The following EPS15L1 variants were observed in gnomAD, a reference collection of about 807,000 sequenced individuals.
EPS15L1 encodes epidermal growth factor receptor substrate 15-like 1.
EPS15L1 carries 43 observed loss-of-function variants against 117.1 expected under a neutral mutation model. The ratio of observed to expected loss-of-function variants is 0.37; its 90% CI spans 0.29 to 0.47. The LOEUF is 0.47. Among genes scored for constraint, EPS15L1 ranks in the 20% least tolerant of loss-of-function variants. The pLI, the probability that EPS15L1 is intolerant of heterozygous loss-of-function variation, is 0.99. For missense variants in EPS15L1, 981 were observed against 1,164.0 expected, an observed-to-expected ratio of 0.84 and a Z score of 2.29; for synonymous variants, 459 against 470.5, an observed-to-expected ratio of 0.98 and a Z score of 0.32.
intron 12 of EPS15L1, among the ~76,000 whole-genome samples, chr19:16,416,905 A>G (rs2092763548): frequency 6.6e-6 from 1 of 152,218 alleles, no homozygotes; most frequent in Non-Finnish European, 1.5e-5. Context: ...CAGACAGCCC[A>G]TCCAAAGCCC....
At chr19:16,377,313 G>A in intron 21 of EPS15L1, 59 bp from the exon 22 acceptor site, 1 of 1,597,224 alleles carries the variant, frequency 6.3e-7, no homozygotes. Context: ...GGTGACGGAT[G>A]TCCACTGAAC....
rs1454123987 is a variant in EPS15L1, at chr19:16,403,828, CCTG to C, written c.1528_1530del (p.Gln510del). 6.2e-7 allele frequency: 1 copy of C among 1,614,160 alleles called. No homozygotes were observed. The highest frequency in any genetic ancestry group is 1.7e-5 in the Admixed American group (1 of 60,028). ...ATGCTCTGCTCCAGCTGGGTTTCCT[CCTG>C]CTGCAATCGGTTCAGCTCCGACTTG... On this transcript the variant is annotated inframe_deletion, in exon 15 of 24. Transcript: ENST00000455140.
In EPS15L1 at chr19:16,355,688, C is replaced by A; in HGVS notation, c.*17G>T. The A allele has an allele frequency of 6.5e-7, 1 of 1,533,828 alleles. No homozygotes were observed. The highest frequency in any genetic ancestry group is 1.2e-5 in the South Asian group (1 of 83,918). On this transcript the variant is annotated 3_prime_UTR_variant, in exon 24 of 24. Coordinates refer to ENST00000455140, the MANE Select transcript of EPS15L1 (RefSeq NM_001258374.3). ...GGAACCCGCCCGTGCCCTGTCCCGC[C>A]TACACACGGCCCTCGCCTAGGCGGC...
rs150395990 is a variant in EPS15L1, at chr19:16,444,032, C to T, written c.34-1813G>A. On this transcript the variant is annotated intron_variant, in intron 1 of 23. Coordinates refer to ENST00000455140, the MANE Select transcript of EPS15L1 (RefSeq NM_001258374.3). ...TGAGCCGAGATCGCGCCACTGCACT[C>T]CAGCCCAGGCGACGGTGCGAGACTC... 7.4e-3 allele frequency among the ~76,000 whole-genome samples: 1,075 copies of T among 145,584 alleles called. 10 individuals are homozygous for T. The highest frequency in any genetic ancestry group is 0.011 in the Non-Finnish European group (756 of 67,166).
At chr19:16,402,202 AGCC>A in intron 16 of EPS15L1, 116 bp downstream of exon 16, 1 of 1,471,204 alleles carries the variant, frequency 6.8e-7, no homozygotes, top group Non-Finnish European at 9.0e-7. Flanking sequence ...AACAACAGAC[AGCC>A]GCCTGCACTT....
intron 19 of EPS15L1, among the ~76,000 whole-genome samples, chr19:16,387,555 C>G (rs1421344750): frequency 6.6e-6 from 1 of 151,834 alleles, no homozygotes; most frequent in Non-Finnish European, 1.5e-5. Context: ...TGCAGTGAGC[C>G]GAGATTATGC....
At chr19:16,466,434 C>T (rs1029831992) in intron 1 of EPS15L1, among the ~76,000 whole-genome samples, 4 of 152,138 alleles carry the variant, frequency 2.6e-5, no homozygotes, top group African/African-American at 9.7e-5. Flanking sequence ...TCAATCCCCA[C>T]CGAATGCACT....
chr19:16,355,441 A>C lies in EPS15L1; in HGVS notation c.*264T>G. ...CCGCTGTGTGTTCGTCCCCAGAGGA[A>C]GAGCGGGAGGCAGTCAGCCCCGGGG... On this transcript the variant is annotated 3_prime_UTR_variant, in exon 24 of 24. Transcript: ENST00000455140. The C allele has an allele frequency of 2.3e-6, 1 of 430,422 alleles. No homozygotes were observed. 26.7% of individuals were successfully genotyped at this position (430,422 alleles called of 1,614,324 possible). A position where few individuals can be genotyped will look rare whatever the true frequency, so the allele number is the denominator to read the frequency against.
chr19:16,454,365 C>T (rs1016550437), intron 1 of EPS15L1, among the ~76,000 whole-genome samples: 1 of 152,142 alleles, frequency 6.6e-6, no homozygotes, highest in African/African-American at 2.4e-5. Context: ...TATCCTATCG[C>T]CCCGCTACTG....
chr19:16,408,585 A>C (rs1167984914), intron 13 of EPS15L1, among the ~76,000 whole-genome samples: 1 of 151,922 alleles, frequency 6.6e-6, no homozygotes, highest in African/African-American at 2.4e-5. Context: ...ACTTGAACCC[A>C]GGAGGTAGTG....
chr19:16,404,845 C>CAGAAG lies in EPS15L1; in HGVS notation c.1267-97_1267-96insCTTCT. 1.5e-6 allele frequency: 2 copies of CAGAAG among 1,362,116 alleles called. No individual in the cohort carries two copies. The highest frequency in any genetic ancestry group is 2.0e-6 in the Non-Finnish European group (2 of 979,428). The allele number at this position is 1,362,116 out of a possible 1,614,324, so 84.4% of individuals were successfully genotyped here. Reference sequence around the variant, plus strand: ...CCTGGGCCAGAAGTCCAGGGGAAGCCTCCGAAACCACCCACTGTGACCGTG... The same window carrying CAGAAG: ...CCTGGGCCAGAAGTCCAGGGGAAGCCAGAAGTCCGAAACCACCCACTGTGACCGTG... On this transcript the variant is annotated intron_variant, in intron 13 of 23. Transcript: ENST00000455140. The surrounding 1 kb of genome is among the most constrained non-coding windows in gnomAD (Gnocchi z 4.2).
intron 1 of EPS15L1, among the ~76,000 whole-genome samples, chr19:16,448,111 A>G (rs886480756): frequency 6.6e-6 from 1 of 152,250 alleles, no homozygotes; most frequent in African/African-American, 2.4e-5. Context: ...AAAGTGGATC[A>G]TGAATTCAAA....
Position 16,440,784 on chromosome 19 carries a change from T to C in EPS15L1, c.213+78A>G, listed in dbSNP as rs555905178. The C allele has an allele frequency of 4.7e-6, 6 of 1,285,952 alleles. No individual in the cohort carries two copies. In the South Asian group the frequency reaches 6.0e-5, roughly 13 times the overall value. 79.7% of individuals were successfully genotyped at this position (1,285,952 alleles called of 1,614,324 possible). A position where few individuals can be genotyped will look rare whatever the true frequency, so the allele number is the denominator to read the frequency against. ...AGTAATACTTGACAGTGGAGGAATG[T>C]GGAAGGAGCCGTGGAGGTCACCCAG... On this transcript the variant is annotated intron_variant, in intron 4 of 23. Transcript: ENST00000455140.
chr19:16,362,111 C>T (rs1165020590), intron 22 of EPS15L1, 127 bp from the exon 23 acceptor site: 3 of 977,810 alleles, frequency 3.1e-6, no homozygotes, highest in Admixed American at 6.1e-5. Flanking sequence ...ACTTGGCTAA[C>T]AGGCTGGACG....
intron 18 of EPS15L1, among the ~76,000 whole-genome samples, chr19:16,393,012 A>G (rs1599569243): frequency 6.6e-6 from 1 of 151,952 alleles, no homozygotes; most frequent in African/African-American, 2.4e-5. Flanking sequence ...ACTGCACTCC[A>G]GCCTAGGCAA....
At chr19:16,468,076 TC>T (rs1395854196) in intron 1 of EPS15L1, among the ~76,000 whole-genome samples, 1 of 152,084 alleles carries the variant, frequency 6.6e-6, no homozygotes, top group African/African-American at 2.4e-5. Context: ...ACCACGCGCT[TC>T]CTAGGTACAG....
rs963874082 is a variant in EPS15L1 at position 16,424,996 on chromosome 19, G to A, written c.792+87C>T. The stretch of plus-strand genomic sequence containing the variant: ...TTTAAAGACATTTCATCACAAGCTT[G>A]ACCGTTCTGGGGTTGCATGTTAAGA... On this transcript the variant is annotated intron_variant, in intron 9 of 23. Transcript: ENST00000455140. 8 of 1,170,352 alleles carry A rather than the reference G, an allele frequency of 6.8e-6. No individual in the cohort carries two copies. The African/African-American group carries it at 1.2e-4, about 18-fold the overall frequency. 72.5% of individuals were successfully genotyped at this position (1,170,352 alleles called of 1,614,324 possible). A position where few individuals can be genotyped will look rare whatever the true frequency, so the allele number is the denominator to read the frequency against.
At chr19:16,359,231 G>A (rs1310251845) in intron 23 of EPS15L1, among the ~76,000 whole-genome samples, 1 of 152,188 alleles carries the variant, frequency 6.6e-6, no homozygotes. Context: ...CAGCCCTCTT[G>A]GCATTTGCTC....
intron 22 of EPS15L1, among the ~76,000 whole-genome samples, chr19:16,368,345 C>A (rs2092168743): frequency 6.6e-6 from 1 of 152,330 alleles, no homozygotes; most frequent in African/African-American, 2.4e-5. Flanking sequence ...CACACATGCA[C>A]AAGCATCATT....
Sources: allele counts gnomAD v4.1 joint callset (sites outside exome capture counted in the v4.1 genomes callset), GRCh38; gene constraint gnomAD v4.1.1; non-coding constraint Gnocchi (gnomAD v3.1); transcripts MANE v1.5; gene names NCBI Gene and HGNC (gene_info 2026-07-23, HGNC 2026-07-21).